TAMM41: variants seen among roughly 807,000 people sequenced by gnomAD.
TAMM41 encodes phosphatidate cytidylyltransferase, mitochondrial.
A neutral mutation model predicts 44.1 loss-of-function variants in TAMM41; 36 were observed. The ratio of observed to expected loss-of-function variants is 0.82; its 90% CI spans 0.63 to 1.08. TAMM41 has a LOEUF of 1.08. TAMM41 is among the 50% of genes least tolerant of loss of function. The pLI is 0.00. For missense variants in TAMM41, 417 were observed against 404.3 expected (o/e 1.03, Z -0.27); for synonymous variants, 164 against 153.1 (o/e 1.07, Z -0.53).
At chr3:11,809,793 C>A (rs970650621) in intron 5 of TAMM41, 111 bp from the exon 6 acceptor site, 10 of 1,104,052 alleles carry the variant, frequency 9.1e-6, no homozygotes, top group South Asian at 1.6e-5. Flanking sequence ...TGCACCCACA[C>A]CCCTGGCGAG....
At chr3:11,750,987 G>C in the TAMM41 span, among the ~76,000 whole-genome samples, 1 of 151,746 alleles carries the variant, frequency 6.6e-6, no homozygotes, top group South Asian at 2.1e-4. Context: ...ATAAGACATC[G>C]TCCAGGGAGC....
chr3:11,807,648 T>C (rs1397965531), intron 7 of TAMM41, 185 bp downstream of exon 7: 3 of 1,536,312 alleles, frequency 2.0e-6, no homozygotes, highest in African/African-American at 2.7e-5. Context: ...GGTCTGACAT[T>C]GTTCGACCAC....
At chr3:11,762,078 C>T in the TAMM41 span, among the ~76,000 whole-genome samples, 61 of 152,228 alleles carry the variant, frequency 4.0e-4, no homozygotes, top group Admixed American at 2.1e-3. Flanking sequence ...ATGCCTGTCA[C>T]TGAGTAAAAA....
At chr3:11,841,231 C>T (rs1204056604) in intron 2 of TAMM41, among the ~76,000 whole-genome samples, 2 of 151,784 alleles carry the variant, frequency 1.3e-5, no homozygotes, top group Non-Finnish European at 2.9e-5. Context: ...CACAGGCATG[C>T]ACCATCACAC....
At chr3:11,725,612 G>A in the TAMM41 span, among the ~76,000 whole-genome samples, 4 of 151,930 alleles carry the variant, frequency 2.6e-5, no homozygotes, top group Admixed American at 6.6e-5. Flanking sequence ...CTAACTTTTT[G>A]TATTTTTAGT....
the TAMM41 span, among the ~76,000 whole-genome samples, chr3:11,725,157 T>C: frequency 1.5e-5 from 2 of 131,024 alleles, no homozygotes; most frequent in Non-Finnish European, 1.6e-5. Flanking sequence ...CTCCTTCCTC[T>C]TCTCCTCCCT....
At chr3:11,739,650 C>A in the TAMM41 span, among the ~76,000 whole-genome samples, 1 of 98,900 alleles carries the variant, frequency 1.0e-5, no homozygotes, top group Admixed American at 1.6e-4. Context: ...CCAGCCTGGG[C>A]AACAGAACAA....
chr3:11,841,224 A>G (rs2079426107), intron 2 of TAMM41, among the ~76,000 whole-genome samples: 1 of 151,824 alleles, frequency 6.6e-6, no homozygotes, highest in Non-Finnish European at 1.5e-5. Flanking sequence ...CTGGAACCAC[A>G]GGCATGCACC....
chr3:11,829,957 C>T, intron 3 of TAMM41, 93 bp from the exon 4 acceptor site: 1 of 1,268,720 alleles, frequency 7.9e-7, no homozygotes, highest in Non-Finnish European at 1.1e-6. Flanking sequence ...CTCAAACTCT[C>T]TTCCCACTGA....
chr3:11,741,999 C>T, the TAMM41 span, among the ~76,000 whole-genome samples: 1 of 150,110 alleles, frequency 6.7e-6, no homozygotes, highest in Non-Finnish European at 1.5e-5. Context: ...CTCAGAACAG[C>T]AATCGGTTTA....
the TAMM41 span, among the ~76,000 whole-genome samples, chr3:11,751,555 T>C: frequency 1.3e-5 from 2 of 152,254 alleles, no homozygotes; most frequent in South Asian, 2.1e-4. Flanking sequence ...TGGTTGAGAA[T>C]GATAGAGAAT....
chr3:11,841,382 C>T (rs1458776187), intron 2 of TAMM41, among the ~76,000 whole-genome samples: 1 of 152,080 alleles, frequency 6.6e-6, no homozygotes, highest in African/African-American at 2.4e-5. Context: ...CGTGCCCGGA[C>T]AGTTAAGCCT....
At chr3:11,783,471 G>T in the TAMM41 span, among the ~76,000 whole-genome samples, 1 of 152,164 alleles carries the variant, frequency 6.6e-6, no homozygotes, top group Non-Finnish European at 1.5e-5. Flanking sequence ...TAGAAGCCAG[G>T]GCAAGCAACC....
chr3:11,823,040 C>T (rs2078587898), intron 4 of TAMM41, among the ~76,000 whole-genome samples: 1 of 152,156 alleles, frequency 6.6e-6, no homozygotes, highest in Non-Finnish European at 1.5e-5. Context: ...AACACTTGTT[C>T]TTGCCTTTCT....
the TAMM41 span, among the ~76,000 whole-genome samples, chr3:11,781,050 C>T: frequency 2.0e-5 from 3 of 152,326 alleles, no homozygotes; most frequent in Admixed American, 6.5e-5. Context: ...TGTCTGGGAA[C>T]ATTTTATTCC....
the TAMM41 span, among the ~76,000 whole-genome samples, chr3:11,743,642 C>G: frequency 6.6e-6 from 1 of 152,032 alleles, no homozygotes; most frequent in Admixed American, 6.6e-5. Flanking sequence ...CCCTAATAAT[C>G]TTCTGTAAAT....
chr3:11,726,251 C>T, the TAMM41 span, among the ~76,000 whole-genome samples: 4 of 152,238 alleles, frequency 2.6e-5, no homozygotes, highest in South Asian at 2.1e-4. Context: ...ACAAAAAGCA[C>T]TGAGGAATCT....
intron 7 of TAMM41, among the ~76,000 whole-genome samples, chr3:11,800,362 C>T (rs1242905635): frequency 6.6e-6 from 1 of 151,908 alleles, no homozygotes; most frequent in Non-Finnish European, 1.5e-5. Flanking sequence ...TTAAAAGATA[C>T]AGACTGGCAG....
At chr3:11,771,670 C>A in the TAMM41 span, among the ~76,000 whole-genome samples, 4 of 152,204 alleles carry the variant, frequency 2.6e-5, no homozygotes, top group African/African-American at 9.6e-5. Context: ...GCAACCTCCG[C>A]CTCCCAGGTT....
Sources: allele counts gnomAD v4.1 joint callset (sites outside exome capture counted in the v4.1 genomes callset), GRCh38; gene constraint gnomAD v4.1.1; transcripts MANE v1.5; gene names NCBI Gene and HGNC (gene_info 2026-07-23, HGNC 2026-07-21).